RAB10: variants seen among roughly 807,000 people sequenced by gnomAD.
The protein encoded by RAB10 is ras-related protein Rab-10.
In RAB10, 5 loss-of-function variants were observed where a neutral mutation model predicts 25.7. That is an observed-to-expected ratio of 0.19 (90% CI 0.10 to 0.41). The LOEUF (loss-of-function observed/expected upper bound fraction) is 0.41. Ranked by LOEUF, RAB10 falls within the 10% of genes least tolerant of loss-of-function variation. The pLI is 1.00. For synonymous variants in RAB10, 89 were observed against 86.4 expected (o/e 1.03, Z -0.16); for missense variants, 103 against 245.8 (o/e 0.42, Z 3.89).
At chr2:26,108,055 C>T (rs78793829) in intron 2 of RAB10, among the ~76,000 whole-genome samples, 1 of 152,146 alleles carries the variant, frequency 6.6e-6, no homozygotes, top group African/African-American at 2.4e-5. Flanking sequence ...TTATATGTTG[C>T]TAGTGCAAAT....
At chr2:26,071,208 A>G (rs1039017355) in intron 1 of RAB10, among the ~76,000 whole-genome samples, 1 of 152,190 alleles carries the variant, frequency 6.6e-6, no homozygotes, top group Non-Finnish European at 1.5e-5. Flanking sequence ...TGAGACAGTG[A>G]TGGTTGTCTC....
chr2:26,071,565 G>C (rs1020461752), intron 1 of RAB10, among the ~76,000 whole-genome samples: 8 of 152,108 alleles, frequency 5.3e-5, no homozygotes, highest in African/African-American at 1.9e-4. Flanking sequence ...GTGGGCACCT[G>C]TAATCCCAGC....
At chr2:26,048,212 T>C (rs1021403566) in intron 1 of RAB10, among the ~76,000 whole-genome samples, 2 of 152,170 alleles carry the variant, frequency 1.3e-5, no homozygotes. Flanking sequence ...TTTGTTTCTT[T>C]GGAATAAACA....
At position 26,034,567 on chromosome 2, in the gene RAB10, C is replaced by T. The variant is rs1665721533; in HGVS notation, c.-42C>T. 1.9e-6 allele frequency: 3 copies of T among 1,611,840 alleles called. No individual in the cohort carries two copies. Among genetic ancestry groups the T allele is most frequent in the Non-Finnish European group, 2.5e-6 (3 of 1,179,692 alleles). On this transcript the variant is annotated 5_prime_UTR_variant, in exon 1 of 6. Coordinates refer to ENST00000264710, the MANE Select transcript of RAB10 (RefSeq NM_016131.5). ...TTGGCCGTAGTGAGAGGGACCGATC[C>T]CTTGGGGCCGCCGGCGGCGAGAGCC... is the stretch of plus-strand genomic sequence containing the variant.
In RAB10 at chr2:26,136,432, C is replaced by T. The variant is rs1668115248; in HGVS notation, c.*1411C>T. The T allele has an allele frequency of 6.6e-6, 1 of 152,480 alleles. No homozygotes were observed. Among genetic ancestry groups the T allele is most frequent in the Admixed American group, 6.6e-5 (1 of 15,252 alleles). 9.4% of individuals were successfully genotyped at this position (152,480 alleles called of 1,614,324 possible). A position where few individuals can be genotyped will look rare whatever the true frequency, so the allele number is the denominator to read the frequency against. ...CCTGTCTTTACATCCTTTTGGAAAA[C>T]TTGTATTACCATGGGTTTGGAAAAA... On this transcript the variant is annotated 3_prime_UTR_variant, in exon 6 of 6. Coordinates refer to ENST00000264710, the MANE Select transcript of RAB10 (RefSeq NM_016131.5).
chr2:26,064,783 A>T (rs1574534650), intron 1 of RAB10, among the ~76,000 whole-genome samples: 1 of 152,334 alleles, frequency 6.6e-6, no homozygotes, highest in East Asian at 1.9e-4. Flanking sequence ...GTGGTGGCTC[A>T]TGCCTGTAAT....
Position 26,034,692 on chromosome 2 carries a change from T to C in RAB10, c.84T>C (p.Arg28=). The change falls in exon 1 of 6, where the codon CGT becomes CGC. Residue 28 remains arginine, a synonymous_variant. Transcript: ENST00000264710. The stretch of plus-strand genomic sequence containing the variant: ...TGGGGAAGACCTGCGTCCTTTTTCG[T>C]TTTTCGGATGATGCCTTCAATACTA... The part of the protein sequence containing the change: ...SGVGKTCVLF[R]FSDDAFNTTF... 6.2e-7 allele frequency: 1 copy of C among 1,614,190 alleles called. No individual in the cohort carries two copies. The highest frequency in any genetic ancestry group is 8.5e-7 in the Non-Finnish European group (1 of 1,180,022).
chr2:26,129,863 A>G (rs886085276), intron 5 of RAB10, among the ~76,000 whole-genome samples: 5 of 152,248 alleles, frequency 3.3e-5, no homozygotes, highest in African/African-American at 9.6e-5. Context: ...TAAAATAAGT[A>G]TAAAAGATCT....
intron 2 of RAB10, among the ~76,000 whole-genome samples, chr2:26,106,474 G>A (rs952387480): frequency 2.0e-5 from 3 of 152,192 alleles, no homozygotes; most frequent in Admixed American, 1.3e-4. Flanking sequence ...AGGTACAAAA[G>A]CAATTCAATG....
At chr2:26,094,757 C>T (rs534986160) in intron 1 of RAB10, among the ~76,000 whole-genome samples, 2 of 152,252 alleles carry the variant, frequency 1.3e-5, no homozygotes, top group South Asian at 2.1e-4. Context: ...CGGAGTTTCA[C>T]CACATTGGCC....
intron 1 of RAB10, among the ~76,000 whole-genome samples, chr2:26,096,612 C>A (rs1445285939): frequency 6.6e-6 from 1 of 152,032 alleles, no homozygotes; most frequent in Non-Finnish European, 1.5e-5. Flanking sequence ...CTTTTTTGAT[C>A]TTTGGAACAT....
chr2:26,040,706 C>T (rs1665865702), intron 1 of RAB10, among the ~76,000 whole-genome samples: 1 of 152,092 alleles, frequency 6.6e-6, no homozygotes, highest in Non-Finnish European at 1.5e-5. Context: ...AAGTAGTTAT[C>T]TTGCAGGTGT....
intron 1 of RAB10, chr2:26,042,745 G>A (rs938432381): frequency 1.3e-5 from 2 of 151,762 alleles, no homozygotes; most frequent in Non-Finnish European, 2.9e-5. Context: ...CCCTGCGCAA[G>A]GATGACACGC....
intron 1 of RAB10, among the ~76,000 whole-genome samples, chr2:26,054,214 A>AT (rs1243071462): frequency 3.0e-3 from 423 of 138,802 alleles, no homozygotes; most frequent in African/African-American, 7.2e-3. Context: ...CGCCCACCTA[A>AT]TTTTTTTTTT....
chr2:26,039,792 TG>T (rs1206944116), intron 1 of RAB10, among the ~76,000 whole-genome samples: 1 of 151,560 alleles, frequency 6.6e-6, no homozygotes, highest in Non-Finnish European at 1.5e-5. Flanking sequence ...GTGGGAGGAT[TG>T]CTTGGGCCCA....
chr2:26,072,035 A>C (rs1200382483), intron 1 of RAB10, among the ~76,000 whole-genome samples: 1 of 150,356 alleles, frequency 6.7e-6, no homozygotes, highest in Non-Finnish European at 1.5e-5. Flanking sequence ...TTAATGAACT[A>C]TTAATTTCCA....
chr2:26,098,109 C>CTTTTTTTTTTTTTTTTTTTTTTT (rs57174956), intron 1 of RAB10, among the ~76,000 whole-genome samples: 10 of 52,724 alleles, frequency 1.9e-4, no homozygotes, highest in South Asian at 8.4e-4. Context: ...TTCTTTCTTT[C>CTTTTTTTTTTTTTTTTTTTTTTT]TTTTTTTTTT....
chr2:26,120,943 G>T (rs1351174642), intron 3 of RAB10, among the ~76,000 whole-genome samples: 1 of 150,974 alleles, frequency 6.6e-6, no homozygotes, highest in Non-Finnish European at 1.5e-5. Flanking sequence ...ACAAAGTCTT[G>T]CTCTGTCACC....
chr2:26,098,446 T>TG, intron 1 of RAB10: 1 of 477,100 alleles, frequency 2.1e-6, no homozygotes. Flanking sequence ...GCCCAAAACT[T>TG]GGTCTTTTCT....
Sources: allele counts gnomAD v4.1 joint callset (sites outside exome capture counted in the v4.1 genomes callset), GRCh38; gene constraint gnomAD v4.1.1; transcripts MANE v1.5; gene names NCBI Gene and HGNC (gene_info 2026-07-23, HGNC 2026-07-21).